CASQ2: variants seen among roughly 807,000 people sequenced by gnomAD.
CASQ2 encodes calsequestrin-2.
A neutral mutation model predicts 46.5 loss-of-function variants in CASQ2; 49 were observed. That is an observed-to-expected ratio of 1.05 (90% CI 0.84 to 1.34). CASQ2 has a LOEUF of 1.34. Ranked by LOEUF, CASQ2 falls within the 40% of genes most tolerant of loss-of-function variation. The probability of loss-of-function intolerance (pLI) is 0.00; values close to 1 mark genes in which losing one functional copy is unlikely to be tolerated. For synonymous variants in CASQ2, 174 were observed against 168.5 expected (o/e 1.03, Z -0.25); for missense variants, 486 against 481.3 (o/e 1.01, Z -0.09).
At chr1:115,753,945 G>A (rs927524887) in intron 1 of CASQ2, among the ~76,000 whole-genome samples, 2 of 151,984 alleles carry the variant, frequency 1.3e-5, no homozygotes, top group Admixed American at 6.5e-5. Context: ...TGCTCCAAGT[G>A]AATGTCCCTC....
At chr1:115,733,157 G>C (rs561511768) in intron 4 of CASQ2, among the ~76,000 whole-genome samples, 183 bp from the exon 5 acceptor site, 2 of 152,250 alleles carry the variant, frequency 1.3e-5, no homozygotes, top group African/African-American at 4.8e-5. Flanking sequence ...CAAGGAGTTG[G>C]AATTGACTGG....
At chr1:115,732,515 T>G (rs1647824281) in intron 5 of CASQ2, among the ~76,000 whole-genome samples, 1 of 152,148 alleles carries the variant, frequency 6.6e-6, no homozygotes, top group East Asian at 1.9e-4. Flanking sequence ...GTTCCCATTC[T>G]ACTTCCCATC....
In CASQ2 at chr1:115,760,730, A is replaced by G. The variant is rs1319681288; in HGVS notation, c.234+7578T>C. Among the ~76,000 whole-genome samples, 3 of 152,204 alleles carry G rather than the reference A, an allele frequency of 2.0e-5. No homozygotes were observed. The East Asian group carries it at 5.8e-4, about 29-fold the overall frequency. ...TAAGACCCAGGAATCGGTATTTTTTAAAACTCCTTATGTGGTTCTAATATG... is the reference window on the plus strand; with the variant it reads ...TAAGACCCAGGAATCGGTATTTTTTGAAACTCCTTATGTGGTTCTAATATG... On this transcript the variant is annotated intron_variant, in intron 1 of 10. Transcript: ENST00000261448.
intron 1 of CASQ2, among the ~76,000 whole-genome samples, chr1:115,762,709 G>A (rs1649006461): frequency 6.6e-6 from 1 of 152,290 alleles, no homozygotes; most frequent in East Asian, 1.9e-4. Flanking sequence ...AGCTCACCCG[G>A]AAAAAGCTTT....
chr1:115,723,590 T>G (rs1647468748), intron 7 of CASQ2, among the ~76,000 whole-genome samples: 1 of 152,052 alleles, frequency 6.6e-6, no homozygotes, highest in Non-Finnish European at 1.5e-5. Context: ...CAGGCTGGAG[T>G]GCAGTGGTGC....
intron 8 of CASQ2, among the ~76,000 whole-genome samples, chr1:115,715,433 T>C (rs1654670072): frequency 6.6e-6 from 1 of 152,194 alleles, no homozygotes; most frequent in South Asian, 2.1e-4. Context: ...GAAAACATCA[T>C]GCTAAGTGAA....
intron 1 of CASQ2, 142 bp from the exon 2 acceptor site, chr1:115,745,054 G>A (rs953903297): frequency 2.8e-6 from 2 of 707,756 alleles, no homozygotes; most frequent in South Asian, 3.0e-5. Context: ...CAGCAGCAAA[G>A]GAAATGTATT....
intron 1 of CASQ2, among the ~76,000 whole-genome samples, chr1:115,750,407 G>A (rs542557012): frequency 2.6e-4 from 40 of 152,342 alleles, no homozygotes; most frequent in Admixed American, 1.7e-3. Flanking sequence ...GCATTGGTCA[G>A]TGCTCATTCT....
intron 1 of CASQ2, among the ~76,000 whole-genome samples, chr1:115,766,826 A>G (rs1375057975): frequency 1.3e-5 from 2 of 152,098 alleles, no homozygotes; most frequent in South Asian, 2.1e-4. Context: ...ATGATTTTGC[A>G]TAGTCTTTGG....
At chr1:115,706,130 C>T (rs920773212) in intron 8 of CASQ2, among the ~76,000 whole-genome samples, 3 of 151,982 alleles carry the variant, frequency 2.0e-5, no homozygotes, top group African/African-American at 4.8e-5. Flanking sequence ...GAATAATAAA[C>T]TGTGCCTGTG....
chr1:115,701,070 G>A lies in CASQ2; in HGVS notation c.*171C>T. Reference sequence around the variant, plus strand: ...TAAGTGGGATTGCTGCATTTGAAAAGGCATTTGCTGAATGATGCTGCTCCT... The same window carrying A: ...TAAGTGGGATTGCTGCATTTGAAAAAGCATTTGCTGAATGATGCTGCTCCT... On this transcript the variant is annotated 3_prime_UTR_variant, in exon 11 of 11. Coordinates refer to ENST00000261448, the MANE Select transcript of CASQ2 (RefSeq NM_001232.4). 2.1e-6 allele frequency: 2 copies of A among 940,074 alleles called. No individual in the cohort carries two copies. Among genetic ancestry groups the A allele is most frequent in the Non-Finnish European group, 3.4e-6 (2 of 583,432 alleles). The allele number at this position is 940,074 out of a possible 1,614,324, so 58.2% of individuals were successfully genotyped here. A position where few individuals can be genotyped will look rare whatever the true frequency, so the allele number is the denominator to read the frequency against.
At chr1:115,738,472 A>G (rs1648041772) in intron 3 of CASQ2, 137 bp from the exon 4 acceptor site, 3 of 723,846 alleles carry the variant, frequency 4.1e-6, no homozygotes, top group Middle Eastern at 3.3e-4. Context: ...TCTCCCCACA[A>G]TCCCCCAGTG....
At chr1:115,721,880 T>A (rs1570811557) in intron 7 of CASQ2, among the ~76,000 whole-genome samples, 1 of 152,206 alleles carries the variant, frequency 6.6e-6, no homozygotes, top group Non-Finnish European at 1.5e-5. Context: ...CAAAAAGACT[T>A]TGAAGTTCAT....
rs1436715639 is a variant in CASQ2 at position 115,701,267 on chromosome 1, C to A, written c.1174G>T (p.Asp392Tyr). ...DDNSDEEDNDDSDDDDDE is the reference protein window; with the variant it reads ...DDNSDEEDNDYSDDDDDE The stretch of plus-strand genomic sequence containing the variant: ...TATTCATCATCATCGTCATCACTGT[C>A]ATCATTATCCTCTTCATCAGAATTA... The change falls in exon 11 of 11, where the codon GAC becomes TAC. Residue 392 changes from aspartate to tyrosine, a missense_variant. By Grantham distance (160) the Asp-to-Tyr change is radical (BLOSUM62 -3). Coordinates refer to ENST00000261448, the MANE Select transcript of CASQ2 (RefSeq NM_001232.4). 6.2e-7 allele frequency: 1 copy of A among 1,605,202 alleles called. No individual in the cohort carries two copies. The highest frequency in any genetic ancestry group is 1.1e-5 in the South Asian group (1 of 90,834).
chr1:115,756,871 C>G (rs546126292), intron 1 of CASQ2, among the ~76,000 whole-genome samples: 1 of 152,110 alleles, frequency 6.6e-6, no homozygotes, highest in Non-Finnish European at 1.5e-5. Context: ...CGCTTGAACC[C>G]GGGAGGCAGA....
intron 5 of CASQ2, among the ~76,000 whole-genome samples, chr1:115,728,478 G>A (rs541252178): frequency 1.3e-5 from 2 of 152,276 alleles, no homozygotes; most frequent in Admixed American, 6.5e-5. Flanking sequence ...GGGGGGTGAT[G>A]TAGATGATGA....
At chr1:115,729,963 A>T (rs754795611) in intron 5 of CASQ2, among the ~76,000 whole-genome samples, 4 of 152,200 alleles carry the variant, frequency 2.6e-5, no homozygotes, top group African/African-American at 7.2e-5. Context: ...TTAAGAACTG[A>T]TATTTTTCAG....
intron 5 of CASQ2, among the ~76,000 whole-genome samples, chr1:115,730,370 T>C (rs1483274400): frequency 2.0e-5 from 3 of 152,200 alleles, no homozygotes; most frequent in African/African-American, 7.2e-5. Context: ...GAACTTTCTG[T>C]CTTTCCATCT....
Position 115,705,304 on chromosome 1 carries a change from T to G in CASQ2, c.839-12A>C. ...GAATTCGTAGCCATCTGAAACAGGA[T>G]TCAAGAGAGTTGAGTAACCCCTGCA... On this transcript the variant is annotated splice_polypyrimidine_tract_variant and intron_variant, in intron 8 of 10. Coordinates refer to ENST00000261448, the MANE Select transcript of CASQ2 (RefSeq NM_001232.4). 2 of 1,580,582 alleles carry G rather than the reference T, an allele frequency of 1.3e-6. No individual in the cohort carries two copies. Among genetic ancestry groups the G allele is most frequent in the Non-Finnish European group, 1.7e-6 (2 of 1,149,592 alleles).
Sources: gnomAD v4.1 joint callset for allele counts (sites outside exome capture counted in the v4.1 genomes callset) on GRCh38, gnomAD v4.1.1 for gene constraint, MANE v1.5 for transcripts, NCBI Gene and HGNC (gene_info 2026-07-23, HGNC 2026-07-21) for gene names.